Variants in KAT14 observed in about 807,000 individuals in gnomAD.
The protein encoded by KAT14 is cysteine-rich protein 2-binding protein.
Under a neutral mutation model 78.4 loss-of-function variants are expected in KAT14, and 66 were observed. The observed-to-expected ratio is 0.84, with a 90% CI of 0.69 to 1.03. KAT14 has a LOEUF of 1.03. Ranked by LOEUF, KAT14 falls within the 50% of genes least tolerant of loss-of-function variation. The pLI, the probability that KAT14 is intolerant of heterozygous loss-of-function variation, is 0.00. For synonymous variants in KAT14, 344 were observed against 359.4 expected, an observed-to-expected ratio of 0.96 and a Z score of 0.48; for missense variants, 870 against 972.5, an observed-to-expected ratio of 0.89 and a Z score of 1.40.
At chr20:18,142,079 A>C (rs2037608059) in intron 1 of KAT14, 129 bp from the exon 2 acceptor site, 5 of 941,686 alleles carry the variant, frequency 5.3e-6, no homozygotes, top group Non-Finnish European at 6.0e-6. Context: ...AAATTAAAAT[A>C]GTAACTGGGT....
At chr20:18,178,550 G>T (rs776539874) in intron 7 of KAT14, among the ~76,000 whole-genome samples, 30 of 152,168 alleles carry the variant, frequency 2.0e-4, no homozygotes, top group Non-Finnish European at 2.9e-4. Context: ...AGAGAAAAAT[G>T]AGAAAGATGC....
chr20:18,155,368 A>G (rs976554980), intron 4 of KAT14, among the ~76,000 whole-genome samples: 1 of 152,244 alleles, frequency 6.6e-6, no homozygotes, highest in South Asian at 2.1e-4. Flanking sequence ...GGTGCTACCC[A>G]TCCCCCTTCT....
intron 7 of KAT14, among the ~76,000 whole-genome samples, chr20:18,171,340 G>C (rs542179715): frequency 6.6e-6 from 1 of 152,168 alleles, no homozygotes; most frequent in South Asian, 2.1e-4. Flanking sequence ...TGCTTCTTAT[G>C]GATGAGCAAA....
intron 7 of KAT14, among the ~76,000 whole-genome samples, chr20:18,177,606 T>A (rs546935979): frequency 6.6e-6 from 1 of 152,340 alleles, no homozygotes; most frequent in Admixed American, 6.5e-5. Flanking sequence ...AATTTTGGTG[T>A]CCAGTTTGGG....
At chr20:18,168,020 T>G (rs1204615347) in intron 7 of KAT14, among the ~76,000 whole-genome samples, 1 of 152,218 alleles carries the variant, frequency 6.6e-6, no homozygotes, top group African/African-American at 2.4e-5. Flanking sequence ...CTTGCTGGAC[T>G]GCTTTCTCTA....
At chr20:18,178,107 C>CAA (rs60187771) in intron 7 of KAT14, among the ~76,000 whole-genome samples, 57,170 of 144,616 alleles carry the variant, frequency 0.4, 12,482 homozygotes, top group Non-Finnish European at 0.51. Flanking sequence ...GACTCTATCT[C>CAA]AAAAAAAAAA....
intron 4 of KAT14, among the ~76,000 whole-genome samples, chr20:18,158,481 G>C (rs1434369875): frequency 6.6e-6 from 1 of 152,184 alleles, no homozygotes; most frequent in African/African-American, 2.4e-5. Flanking sequence ...AACCCGGATA[G>C]TTGGCATTTT....
At chr20:18,149,821 G>A (rs2037969872) in intron 3 of KAT14, among the ~76,000 whole-genome samples, 3 of 151,880 alleles carry the variant, frequency 2.0e-5, no homozygotes, top group South Asian at 2.1e-4. Context: ...GTGGTGGTGC[G>A]CATCTGAGAT....
chr20:18,159,632 C>T (rs1568667436), intron 5 of KAT14, among the ~76,000 whole-genome samples: 1 of 152,208 alleles, frequency 6.6e-6, no homozygotes, highest in African/African-American at 2.4e-5. Context: ...TAACTCCTGA[C>T]AGTCTCATTT....
At position 18,187,567 on chromosome 20, in the gene KAT14, A is replaced by G; in HGVS notation, c.*108A>G. The G allele has an allele frequency of 2.0e-6, 3 of 1,529,400 alleles. No individual in the cohort carries two copies. Among genetic ancestry groups the G allele is most frequent in the Non-Finnish European group, 2.6e-6 (3 of 1,141,222 alleles). The allele number at this position is 1,529,400 out of a possible 1,614,324, so 94.7% of individuals were successfully genotyped here. On this transcript the variant is annotated 3_prime_UTR_variant, in exon 11 of 11. Transcript: ENST00000688188. ...AGGGAGCTCTAATCTCTGTGATTAC[A>G]TGGTCCTTCAAACTCCCAACCAAAG...
chr20:18,180,951 A>G (rs1049753752), intron 7 of KAT14, among the ~76,000 whole-genome samples: 1 of 152,200 alleles, frequency 6.6e-6, no homozygotes, highest in African/African-American at 2.4e-5. Flanking sequence ...CAAAAATTCT[A>G]TATACAGTAG....
intron 7 of KAT14, among the ~76,000 whole-genome samples, chr20:18,178,325 C>T (rs1161180568): frequency 2.0e-5 from 3 of 151,932 alleles, no homozygotes; most frequent in South Asian, 4.1e-4. Context: ...TGGCATTCCA[C>T]GGGAATCCAC....
chr20:18,160,893 G>C (rs192659602), intron 5 of KAT14, among the ~76,000 whole-genome samples: 1 of 152,240 alleles, frequency 6.6e-6, no homozygotes, highest in East Asian at 1.9e-4. Flanking sequence ...ACTGTAATAA[G>C]GCCGGGCATG....
rs1398922941 is a variant in KAT14, at chr20:18,184,748, A to C, written c.2128A>C (p.Arg710=). 6.2e-7 allele frequency: 1 copy of C among 1,612,412 alleles called. No homozygotes were observed. The highest frequency in any genetic ancestry group is 2.2e-5 in the East Asian group (1 of 44,834). Residue 710 remains arginine (R), a synonymous_variant, in exon 10 of 11, where the codon AGA becomes CGA. Transcript: ENST00000688188. ...ISFLFVHPEW[R]RAGIATFMIY... ...ATTTCTGTTCGTCCACCCTGAATGG[A>C]GAAGAGCAGGGATTGCAACTTTCAT...
In KAT14 at chr20:18,183,111, G is replaced by C; in HGVS notation, c.1806-12G>C. On this transcript the variant is annotated splice_polypyrimidine_tract_variant and intron_variant, in intron 8 of 10. Coordinates refer to ENST00000688188, the MANE Select transcript of KAT14 (RefSeq NM_001392073.1). ...CTTGACTTGAATTTGTTTATCTTCT[G>C]TGGTACCGGAGGCGTGATTATGAAA... is the stretch of plus-strand genomic sequence containing the variant. The C allele has an allele frequency of 6.3e-7, 1 of 1,594,300 alleles. No homozygotes were observed. The highest frequency in any genetic ancestry group is 8.5e-7 in the Non-Finnish European group (1 of 1,170,372).
intron 3 of KAT14, among the ~76,000 whole-genome samples, chr20:18,148,142 G>A (rs986758259): frequency 6.6e-6 from 1 of 152,038 alleles, no homozygotes; most frequent in East Asian, 1.9e-4. Flanking sequence ...TTGAAATGTG[G>A]GTTTTCCGTC....
chr20:18,184,456 G>A, intron 9 of KAT14, 146 bp from the exon 10 acceptor site: 1 of 705,442 alleles, frequency 1.4e-6, no homozygotes, highest in Admixed American at 3.6e-5. Flanking sequence ...ATCTGGTTGT[G>A]TGGTCTCTAT....
chr20:18,152,002 CAA>C (rs201621092), intron 4 of KAT14, among the ~76,000 whole-genome samples: 43 of 73,842 alleles, frequency 5.8e-4, no homozygotes, highest in Admixed American at 9.3e-4. Flanking sequence ...GACTCCATCT[CAA>C]AAAAAAAAAA....
intron 1 of KAT14, chr20:18,138,292 A>G: frequency 8.3e-7 from 1 of 1,203,284 alleles, no homozygotes; most frequent in Non-Finnish European, 1.0e-6. Context: ...TGCCCGGCTT[A>G]GCGCCTTTGG....
Sources: allele counts gnomAD v4.1 joint callset (sites outside exome capture counted in the v4.1 genomes callset), GRCh38; gene constraint gnomAD v4.1.1; transcripts MANE v1.5; gene names NCBI Gene and HGNC (gene_info 2026-07-23, HGNC 2026-07-21).